XPO7: variants seen among roughly 807,000 people sequenced by gnomAD.
XPO7 encodes the protein exportin-7.
Under a neutral mutation model 144.3 loss-of-function variants are expected in XPO7, and 21 were observed. The observed-to-expected ratio is 0.15, with a 90% CI of 0.10 to 0.21. XPO7 has a LOEUF of 0.21. Ranked by LOEUF, XPO7 falls within the 10% of genes least tolerant of loss-of-function variation. The pLI is 1.00. For missense variants in XPO7, 808 were observed against 1,325.8 expected, an observed-to-expected ratio of 0.61 and a Z score of 6.06; for synonymous variants, 580 against 499.6, an observed-to-expected ratio of 1.16 and a Z score of -2.15.
intron 1 of XPO7, among the ~76,000 whole-genome samples, chr8:21,945,081 C>T (rs1811137062): frequency 6.6e-6 from 1 of 152,208 alleles, no homozygotes; most frequent in Non-Finnish European, 1.5e-5. Flanking sequence ...TTCGACAAAA[C>T]TGCCATCGTC....
At chr8:21,965,976 C>T (rs59293270) in intron 1 of XPO7, among the ~76,000 whole-genome samples, 30,591 of 129,252 alleles carry the variant, frequency 0.24, 4,435 homozygotes, top group African/African-American at 0.46. Context: ...CAGATGTTTA[C>T]TCTCCAGTCA....
At chr8:21,972,433 C>G (rs980874956) in intron 5 of XPO7, among the ~76,000 whole-genome samples, 1 of 152,066 alleles carries the variant, frequency 6.6e-6, no homozygotes, top group Non-Finnish European at 1.5e-5. Flanking sequence ...GCCAAGATCG[C>G]GCTGTTGCAC....
Position 21,999,525 on chromosome 8 carries a change from C to G in XPO7, c.2644-11C>G. 1 of 1,613,824 alleles carries G rather than the reference C, an allele frequency of 6.2e-7. No individual in the cohort carries two copies. The highest frequency in any genetic ancestry group is 8.5e-7 in the Non-Finnish European group (1 of 1,179,770). ...GCCTAAGCTGATTTTCTTCCTCTTC[C>G]TCTCCCACAGGATTACCCCAAGCTC... On this transcript the variant is annotated splice_polypyrimidine_tract_variant and intron_variant, in intron 23 of 27. Transcript: ENST00000252512.
intron 27 of XPO7, among the ~76,000 whole-genome samples, 198 bp from the exon 28 acceptor site, chr8:22,004,796 AG>A (rs1232218225): frequency 6.6e-6 from 1 of 151,996 alleles, no homozygotes; most frequent in African/African-American, 2.4e-5. Flanking sequence ...AGCCCAAGGT[AG>A]CCCTCAGGGC....
At chr8:21,935,435 T>C (rs1810790844) in intron 1 of XPO7, among the ~76,000 whole-genome samples, 1 of 152,236 alleles carries the variant, frequency 6.6e-6, no homozygotes, top group Non-Finnish European at 1.5e-5. Flanking sequence ...GTCCTACAAA[T>C]AGTGAGAGTC....
At chr8:21,960,260 A>C (rs1811680164) in intron 1 of XPO7, among the ~76,000 whole-genome samples, 2 of 152,208 alleles carry the variant, frequency 1.3e-5, no homozygotes. Flanking sequence ...AGTGCAAGAC[A>C]AAAACCAAAA....
chr8:21,967,957 T>C (rs1297584929), intron 2 of XPO7, among the ~76,000 whole-genome samples: 1 of 152,216 alleles, frequency 6.6e-6, no homozygotes, highest in Non-Finnish European at 1.5e-5. Context: ...CCAGCTAGAC[T>C]TCAGCAGCAA....
At chr8:21,939,218 T>C (rs1439108035) in intron 1 of XPO7, among the ~76,000 whole-genome samples, 1 of 111,736 alleles carries the variant, frequency 8.9e-6, no homozygotes, top group African/African-American at 3.9e-5. Flanking sequence ...GGATTTCTTT[T>C]TCTTTTCTTT....
At chr8:21,960,007 A>G (rs933572948) in intron 1 of XPO7, among the ~76,000 whole-genome samples, 3 of 152,198 alleles carry the variant, frequency 2.0e-5, no homozygotes, top group African/African-American at 7.2e-5. Context: ...CCTATCATGC[A>G]TGACACTTTT....
chr8:21,924,445 C>G (rs569007621), intron 1 of XPO7, among the ~76,000 whole-genome samples: 1 of 150,724 alleles, frequency 6.6e-6, no homozygotes, highest in South Asian at 2.1e-4. Context: ...CTGTAGCCCC[C>G]CTCCCCCCCC....
chr8:21,941,703 A>G (rs887662183), intron 1 of XPO7, among the ~76,000 whole-genome samples: 5 of 152,154 alleles, frequency 3.3e-5, no homozygotes, highest in Non-Finnish European at 5.9e-5. Flanking sequence ...GGAGAAACCT[A>G]TGGATTAAAA....
chr8:21,976,303 A>C, intron 6 of XPO7, 53 bp from the exon 7 acceptor site: 3 of 1,584,624 alleles, frequency 1.9e-6, no homozygotes, highest in Non-Finnish European at 2.6e-6. Flanking sequence ...TCTGGGAGCA[A>C]GCTGGGAAGA....
chr8:21,945,994 A>G (rs900884428), intron 1 of XPO7, among the ~76,000 whole-genome samples: 1 of 152,220 alleles, frequency 6.6e-6, no homozygotes, highest in Non-Finnish European at 1.5e-5. Flanking sequence ...TCAGGATCCT[A>G]GAAAGCACCT....
intron 17 of XPO7, 167 bp downstream of exon 17, chr8:21,990,574 CT>C (rs1257055193): frequency 5.0e-6 from 4 of 807,952 alleles, no homozygotes; most frequent in Non-Finnish European, 5.9e-6. Context: ...CAGAGTGGCT[CT>C]TTGAGATCCA....
chr8:21,984,974 A>G (rs151295910), intron 12 of XPO7, 135 bp downstream of exon 12: 16 of 894,398 alleles, frequency 1.8e-5, no homozygotes, highest in Admixed American at 2.9e-5. Context: ...ATGCACAAGA[A>G]TCTTTATGAA....
rs200553143 is a variant in XPO7, at chr8:21,999,681, A to C, written c.2782+7A>C. ...GAAGGACTTACTGCACTTGGTAAGC[A>C]CCTGAGGTGGGTGGGTGAGTTGGTG... On this transcript the variant is annotated splice_region_variant and intron_variant, in intron 24 of 27. Transcript: ENST00000252512. The C allele has an allele frequency of 6.2e-7, 1 of 1,613,964 alleles. No individual in the cohort carries two copies. Among genetic ancestry groups the C allele is most frequent in the Admixed American group, 1.7e-5 (1 of 60,022 alleles).
intron 1 of XPO7, among the ~76,000 whole-genome samples, chr8:21,949,065 T>C (rs998701094): frequency 6.6e-6 from 1 of 152,214 alleles, no homozygotes; most frequent in Non-Finnish European, 1.5e-5. Flanking sequence ...CAAGTGAACT[T>C]AGTTTTCTAA....
At chr8:21,961,632 C>T (rs575311807) in intron 1 of XPO7, among the ~76,000 whole-genome samples, 1 of 152,096 alleles carries the variant, frequency 6.6e-6, no homozygotes, top group Non-Finnish European at 1.5e-5. Flanking sequence ...TTGGCTTTTT[C>T]ATTTTAGTCA....
At chr8:21,979,087 A>T (rs1812318540) in intron 8 of XPO7, among the ~76,000 whole-genome samples, 1 of 152,202 alleles carries the variant, frequency 6.6e-6, no homozygotes, top group African/African-American at 2.4e-5. Flanking sequence ...TGTTTGTTTG[A>T]GGCAGAGTTT....
Sources: gnomAD v4.1 joint callset for allele counts (sites outside exome capture counted in the v4.1 genomes callset) on GRCh38, gnomAD v4.1.1 for gene constraint, MANE v1.5 for transcripts, NCBI Gene and HGNC (gene_info 2026-07-23, HGNC 2026-07-21) for gene names.